RGS7: variants seen among roughly 807,000 people sequenced by gnomAD.
RGS7 encodes regulator of G-protein signaling 7.
In RGS7, 27 loss-of-function variants were observed where a neutral mutation model predicts 81.1. The observed-to-expected ratio is 0.33, with a 90% CI of 0.25 to 0.46. The LOEUF is 0.46. Among genes scored for constraint, RGS7 ranks in the 20% least tolerant of loss-of-function variants. The pLI is 1.00. For synonymous variants in RGS7, 208 were observed against 207.7 expected, an observed-to-expected ratio of 1.00 and a Z score of -0.01; for missense variants, 396 against 607.4, an observed-to-expected ratio of 0.65 and a Z score of 3.66.
rs77749664 is a variant in RGS7 at position 241,160,992 on chromosome 1, G to A, written c.79-62230C>T. ...CATTAATTATTAGGTTGGGGCAAAA[G>A]TGATAGTTTTTTTTGCCATTAAAAA... On this transcript the variant is annotated intron_variant, in intron 2 of 18. Transcript: ENST00000440928. Among the ~76,000 whole-genome samples, 951 of 152,018 alleles carry A rather than the reference G, an allele frequency of 6.3e-3. 2 individuals carry two copies. Among genetic ancestry groups the A allele is most frequent in the Middle Eastern group, 0.017 (5 of 294 alleles).
intron 9 of RGS7, among the ~76,000 whole-genome samples, chr1:240,861,934 A>C (rs757980151): frequency 2.0e-5 from 3 of 152,178 alleles, no homozygotes; most frequent in African/African-American, 4.8e-5. Flanking sequence ...CTGTTAATAC[A>C]AGCTACTAAC....
Position 241,160,423 on chromosome 1 carries a change from A to G in RGS7, c.79-61661T>C, listed in dbSNP as rs184567703. On this transcript the variant is annotated intron_variant, in intron 2 of 18. Transcript: ENST00000440928. ...GGCTCATCCCCTGAACGGTGTGTGG[A>G]ATAAGGTGAAACATGTAGCAATCAA... 2.9e-5 allele frequency among the ~76,000 whole-genome samples: 4 copies of G among 137,022 alleles called. No individual in the cohort carries two copies. The East Asian group carries it at 9.3e-4, about 32-fold the overall frequency. The allele number at this position is 137,022 out of a possible 152,430, so 89.9% of individuals were successfully genotyped here. A position where few individuals can be genotyped will look rare whatever the true frequency, so the allele number is the denominator to read the frequency against.
At chr1:241,041,225 T>C (rs951539607) in intron 3 of RGS7, among the ~76,000 whole-genome samples, 2 of 152,238 alleles carry the variant, frequency 1.3e-5, no homozygotes, top group African/African-American at 2.4e-5. Context: ...TTTAGTTTTA[T>C]GAATTACTCT....
chr1:241,145,831 A>C lies in RGS7; in HGVS notation c.79-47069T>G, dbSNP rs549118904. Among the ~76,000 whole-genome samples, 93 of 152,360 alleles carry C rather than the reference A, an allele frequency of 6.1e-4. 2 individuals are homozygous for C. The South Asian group carries it at 0.019, about 31-fold the overall frequency. ...TGATCTTACTCCCAGTTTAATGAACAGTTCTGATGGTGATGTTTAGAGTGA... is the reference window on the plus strand; with the variant it reads ...TGATCTTACTCCCAGTTTAATGAACCGTTCTGATGGTGATGTTTAGAGTGA... On this transcript the variant is annotated intron_variant, in intron 2 of 18. Coordinates refer to ENST00000440928, the MANE Select transcript of RGS7 (RefSeq NM_001364886.1).
chr1:240,920,082 A>C (rs1673249000), intron 6 of RGS7: 1 of 949,882 alleles, frequency 1.1e-6, no homozygotes, highest in Non-Finnish European at 1.7e-6. Context: ...CAATGGCAAG[A>C]AAAGAGGCTT....
At chr1:241,089,714 G>A (rs35044280) in intron 3 of RGS7, among the ~76,000 whole-genome samples, 2 of 151,666 alleles carry the variant, frequency 1.3e-5, no homozygotes, top group Non-Finnish European at 2.9e-5. Flanking sequence ...TTTTGTTATC[G>A]TAATTAGTAA....
At chr1:241,037,896 T>G (rs150040947) in intron 3 of RGS7, among the ~76,000 whole-genome samples, 1 of 152,232 alleles carries the variant, frequency 6.6e-6, no homozygotes, top group African/African-American at 2.4e-5. Context: ...TGTTCTCACT[T>G]ATAAGTAAGG....
intron 3 of RGS7, among the ~76,000 whole-genome samples, chr1:241,029,823 A>G (rs578240754): frequency 6.6e-6 from 1 of 152,356 alleles, no homozygotes; most frequent in East Asian, 1.9e-4. Context: ...TGTAAACAAC[A>G]GCTGCCAAAA....
At chr1:240,949,801 T>A (rs1422990261) in intron 4 of RGS7, among the ~76,000 whole-genome samples, 1 of 125,272 alleles carries the variant, frequency 8.0e-6, no homozygotes, top group Non-Finnish European at 1.5e-5. Context: ...TGAGCCAAGA[T>A]AGGGCCACTG....
At chr1:241,154,116 A>T (rs2068945870) in intron 2 of RGS7, among the ~76,000 whole-genome samples, 1 of 152,186 alleles carries the variant, frequency 6.6e-6, no homozygotes. Context: ...CTAGTGGTGA[A>T]GTTAGACAGG....
At chr1:240,956,859 A>G (rs1052772623) in intron 4 of RGS7, among the ~76,000 whole-genome samples, 38 of 152,168 alleles carry the variant, frequency 2.5e-4, no homozygotes, top group Non-Finnish European at 4.7e-4. Context: ...GGAGAAAAAA[A>G]AAAACGTTAA....
chr1:240,859,421 T>TTTTC (rs1351973714), intron 9 of RGS7, among the ~76,000 whole-genome samples: 1 of 149,800 alleles, frequency 6.7e-6, no homozygotes, highest in Non-Finnish European at 1.5e-5. Flanking sequence ...TACATTGTGT[T>TTTTC]TTTCTTTCTT....
At chr1:240,847,781 C>T (rs540535924) in intron 9 of RGS7, among the ~76,000 whole-genome samples, 55 of 152,280 alleles carry the variant, frequency 3.6e-4, no homozygotes, top group Middle Eastern at 3.4e-3. Context: ...GCCTAGTACA[C>T]GCCAATTTCA....
rs545298110 is a variant in RGS7 at position 240,823,068 on chromosome 1, G to A, written c.684+4030C>T. On this transcript the variant is annotated intron_variant, in intron 10 of 18. Transcript: ENST00000440928. ...CTAGTCGTTTCTTAGCCTCCTCAAT[G>A]TCACCTGGAATTGCTGAAATAAGTG... The A allele has an allele frequency of 5.1e-5, 38 of 747,650 alleles. 1 individual carries two copies. Among genetic ancestry groups the A allele is most frequent in the Non-Finnish European group, 8.7e-5 (37 of 424,888 alleles). 46.3% of individuals were successfully genotyped at this position (747,650 alleles called of 1,614,324 possible).
intron 3 of RGS7, among the ~76,000 whole-genome samples, chr1:241,032,963 C>T (rs374584993): frequency 1.0e-4 from 14 of 138,096 alleles, no homozygotes; most frequent in African/African-American, 2.0e-4. Flanking sequence ...AATTTGGATG[C>T]GTTTTATTTT....
At chr1:241,128,106 G>A (rs535618063) in intron 2 of RGS7, among the ~76,000 whole-genome samples, 54 of 151,488 alleles carry the variant, frequency 3.6e-4, no homozygotes, top group Non-Finnish European at 4.0e-4. Flanking sequence ...GTGAAACCCC[G>A]TCTCCATTAA....
chr1:240,959,610 G>GA (rs2148467524), intron 4 of RGS7, among the ~76,000 whole-genome samples: 1 of 152,244 alleles, frequency 6.6e-6, no homozygotes, highest in South Asian at 2.1e-4. Context: ...TTTGCTGACC[G>GA]AAACGTTGTT....
chr1:241,103,150 T>C (rs2064880558), intron 2 of RGS7, among the ~76,000 whole-genome samples: 1 of 152,172 alleles, frequency 6.6e-6, no homozygotes, highest in African/African-American at 2.4e-5. Context: ...ATCCCATATA[T>C]ATATGTATGT....
chr1:241,160,722 G>A lies in RGS7; in HGVS notation c.79-61960C>T, dbSNP rs113538673. ...CCAATCAATTCAGAATTCAAATGGC[G>A]ATTCGCCAGTTTGATATCTACGTTG... is the stretch of plus-strand genomic sequence containing the variant. On this transcript the variant is annotated intron_variant, in intron 2 of 18. Coordinates refer to ENST00000440928, the MANE Select transcript of RGS7 (RefSeq NM_001364886.1). Among the ~76,000 whole-genome samples the A allele has an allele frequency of 4.6e-5, 7 of 152,254 alleles. No homozygotes were observed. The East Asian group carries it at 5.8e-4, about 13-fold the overall frequency.
Sources: gnomAD v4.1 joint callset for allele counts (sites outside exome capture counted in the v4.1 genomes callset) on GRCh38, gnomAD v4.1.1 for gene constraint, MANE v1.5 for transcripts, NCBI Gene and HGNC (gene_info 2026-07-23, HGNC 2026-07-21) for gene names.